The following ZNF544 variants were observed in gnomAD, a reference collection of about 807,000 sequenced individuals.
The protein encoded by ZNF544 is zinc finger protein 544.
In ZNF544, 10 loss-of-function variants were observed where a neutral mutation model predicts 13.5. The ratio of observed to expected loss-of-function variants is 0.74; its 90% CI spans 0.46 to 1.25. The LOEUF (loss-of-function observed/expected upper bound fraction) is 1.25. Ranked by LOEUF, ZNF544 falls within the 50% of genes most tolerant of loss-of-function variation. The pLI, the probability that ZNF544 is intolerant of heterozygous loss-of-function variation, is 0.00. For synonymous variants in ZNF544, 323 were observed against 300.5 expected, an observed-to-expected ratio of 1.07 and a Z score of -0.77; for missense variants, 896 against 845.6, an observed-to-expected ratio of 1.06 and a Z score of -0.74.
At chr19:58,242,347 G>A (rs1214378520) in intron 3 of ZNF544, 2 of 917,636 alleles carry the variant, frequency 2.2e-6, no homozygotes, top group Non-Finnish European at 2.6e-6. Context: ...GAGAAAGCAA[G>A]ATTTCTGCAA....
intron 6 of ZNF544, among the ~76,000 whole-genome samples, chr19:58,255,283 C>T (rs1417442095): frequency 6.6e-6 from 1 of 152,080 alleles, no homozygotes; most frequent in Non-Finnish European, 1.5e-5. Flanking sequence ...TCAAGCAGTT[C>T]TCCTGCCTCA....
chr19:58,264,028 T>C (rs1172282862), downstream of ZNF544: 1 of 145,494 alleles, frequency 6.9e-6, no homozygotes, highest in Admixed American at 7.0e-5. Context: ...ATGGGAGGCG[T>C]AGCTTGCAGT....
intron 3 of ZNF544, chr19:58,242,202 G>A (rs2044041310): frequency 1.0e-6 from 1 of 984,488 alleles, no homozygotes; most frequent in South Asian, 4.7e-5. Flanking sequence ...CTGTGAGGTG[G>A]CCCATGCTTA....
intron 6 of ZNF544, among the ~76,000 whole-genome samples, chr19:58,249,060 A>G (rs544422649): frequency 6.6e-6 from 1 of 152,190 alleles, no homozygotes; most frequent in African/African-American, 2.4e-5. Flanking sequence ...GGTACTTTCC[A>G]TTTTTCATCT....
At position 58,277,291 on chromosome 19, in the gene ZNF544, C is replaced by A. The variant is rs112211599; in HGVS notation, c.*40C>A. 3,175 of 1,129,176 alleles carry A rather than the reference C, an allele frequency of 2.8e-3. 66 individuals carry two copies. The African/African-American group carries it at 0.047, about 17-fold the overall frequency. 69.9% of individuals were successfully genotyped at this position (1,129,176 alleles called of 1,614,324 possible). ...GCCAGAAGGATCTGAGAGAGTGTGG[C>A]CAGCTTGAGCCCCTCGGGAGTCAGC... On this transcript the variant is annotated 3_prime_UTR_variant, in exon 7 of 7. Transcript: ENST00000595981.
downstream of ZNF544, chr19:58,266,706 A>T (rs1182006244): frequency 6.8e-6 from 1 of 147,984 alleles, no homozygotes; most frequent in African/African-American, 2.5e-5. Flanking sequence ...ACTCTTCCCC[A>T]TTTTTTTTTC....
intron 3 of ZNF544, among the ~76,000 whole-genome samples, chr19:58,232,946 CAAAAAAAAAA>C (rs71190012): frequency 4.3e-5 from 2 of 46,078 alleles, no homozygotes; most frequent in African/African-American, 7.3e-5. Context: ...GACTCCATCT[CAAAAAAAAAA>C]AAAAAAAAAA....
intron 5 of ZNF544, among the ~76,000 whole-genome samples, chr19:58,274,772 A>C (rs1439010543): frequency 6.6e-6 from 1 of 152,176 alleles, no homozygotes; most frequent in Non-Finnish European, 1.5e-5. Flanking sequence ...AAGGCAGTTG[A>C]GTTCCCATAG....
chr19:58,266,666 G>C (rs2049955471), downstream of ZNF544: 1 of 152,102 alleles, frequency 6.6e-6, no homozygotes, highest in Non-Finnish European at 1.5e-5. Flanking sequence ...CAGAAAGTGG[G>C]TTAATCGAAG....
At chr19:58,266,514 C>CAG (rs2049927922), downstream of ZNF544, 1 of 58,740 alleles carries the variant, frequency 1.7e-5, no homozygotes, top group Non-Finnish European at 2.9e-5. Context: ...GACTCGGTCT[C>CAG]AAAAAAAAAA....
At chr19:58,229,276 TGGGTGGGACTG>T (rs2040636850) in intron 1 of ZNF544, 181 bp from the exon 2 acceptor site, 1 of 16,880 alleles carries the variant, frequency 5.9e-5, no homozygotes. Flanking sequence ...GGGGTGGAAC[TGGGTGGGACTG>T]GGTGGGACTG....
chr19:58,242,117 G>A (rs760925196), intron 3 of ZNF544: 36 of 500,440 alleles, frequency 7.2e-5, no homozygotes, highest in Non-Finnish European at 9.3e-5. Context: ...GAGCAGGAGA[G>A]TTCTCAGAAG....
intron 6 of ZNF544, chr19:58,251,426 C>T (rs1196779315): frequency 1.9e-6 from 1 of 517,570 alleles, no homozygotes; most frequent in Non-Finnish European, 3.9e-6. Flanking sequence ...CTATCTAATC[C>T]TAGTACTTTG....
intron 6 of ZNF544, among the ~76,000 whole-genome samples, chr19:58,256,951 TCA>T (rs2047575674): frequency 6.6e-6 from 1 of 152,208 alleles, no homozygotes; most frequent in Non-Finnish European, 1.5e-5. Context: ...CATTTCAGTC[TCA>T]CTCTGTTGCC....
At chr19:58,242,503 A>G (rs1217659144) in intron 3 of ZNF544, among the ~76,000 whole-genome samples, 2 of 151,008 alleles carry the variant, frequency 1.3e-5, no homozygotes, top group African/African-American at 4.9e-5. Context: ...TTCTAGCCCA[A>G]ATGGGAGTTG....
intron 5 of ZNF544, among the ~76,000 whole-genome samples, chr19:58,274,512 C>A (rs1427939321): frequency 6.6e-6 from 1 of 152,134 alleles, no homozygotes; most frequent in Non-Finnish European, 1.5e-5. Context: ...TTTCTTGTAG[C>A]CCTCAGAAGG....
chr19:58,252,535 T>C (rs1240244686), intron 6 of ZNF544, among the ~76,000 whole-genome samples: 3 of 152,208 alleles, frequency 2.0e-5, no homozygotes, highest in Admixed American at 1.3e-4. Flanking sequence ...CCTTGTTTCA[T>C]AAATAACCCT....
downstream of ZNF544, chr19:58,266,523 A>C: frequency 6.6e-6 from 1 of 151,760 alleles, no homozygotes. Flanking sequence ...TCAAAAAAAA[A>C]AAAAAAAAAA....
At chr19:58,243,796 G>A (rs1254646347) in intron 3 of ZNF544, among the ~76,000 whole-genome samples, 169 bp from the exon 4 acceptor site, 1 of 152,146 alleles carries the variant, frequency 6.6e-6, no homozygotes, top group African/African-American at 2.4e-5. Context: ...CCCAGCACAT[G>A]ACTGGGCACA....
Sources: allele counts gnomAD v4.1 joint callset (sites outside exome capture counted in the v4.1 genomes callset), GRCh38; gene constraint gnomAD v4.1.1; transcripts MANE v1.5; gene names NCBI Gene and HGNC (gene_info 2026-07-23, HGNC 2026-07-21).